HUS1: variants seen among roughly 807,000 people sequenced by gnomAD.
The protein encoded by HUS1 is checkpoint protein HUS1.
In HUS1, 31 loss-of-function variants were observed where a neutral mutation model predicts 32.6. The observed-to-expected ratio is 0.95, with a 90% CI of 0.72 to 1.28. The LOEUF (loss-of-function observed/expected upper bound fraction) is 1.28. Ranked by LOEUF, HUS1 falls within the 50% of genes most tolerant of loss-of-function variation. The pLI is 0.00. For missense variants in HUS1, 340 were observed against 337.7 expected (o/e 1.01, Z -0.05); for synonymous variants, 123 against 116.6 (o/e 1.06, Z -0.36).
At chr7:47,970,232 C>CAAAA (rs777331089) in intron 5 of HUS1, among the ~76,000 whole-genome samples, 109 of 47,420 alleles carry the variant, frequency 2.3e-3, no homozygotes, top group Middle Eastern at 0.018. Flanking sequence ...GACTCTGTCT[C>CAAAA]AAAAAAAAAA....
chr7:47,970,254 A>G (rs1788570478), intron 5 of HUS1, among the ~76,000 whole-genome samples: 1 of 149,876 alleles, frequency 6.7e-6, no homozygotes, highest in African/African-American at 2.5e-5. Flanking sequence ...AAAAAAAAAA[A>G]GAGAAATGAA....
At chr7:47,966,310 T>A (rs1011646010) in intron 7 of HUS1, among the ~76,000 whole-genome samples, 4 of 152,158 alleles carry the variant, frequency 2.6e-5, no homozygotes, top group Non-Finnish European at 5.9e-5. Context: ...CCACGGTGTT[T>A]TAAAAAAAAT....
chr7:47,968,974 TAC>T (rs1187073299), intron 6 of HUS1: 1 of 389,812 alleles, frequency 2.6e-6, no homozygotes, highest in East Asian at 5.0e-5. Context: ...ATCCGAATTC[TAC>T]AGAGGATGGA....
rs202090804 is a variant in HUS1 at position 47,979,492 on chromosome 7, C to T, written c.28G>A (p.Gly10Arg). Residue 10 changes from glycine to arginine, a missense_variant, in exon 1 of 8, where the codon GGG becomes AGG. Physicochemically the swap from Gly to Arg is moderately radical, Grantham distance 125 (BLOSUM62 -2). Transcript: ENST00000258774. ...CGTGTGAAGTGGTTCAGACAGGCCC[C>T]GTCCACGATCTTGGCCCGAAACTTC... MKFRAKIVD[G>R]ACLNHFTRIS... is the part of the protein sequence containing the mutation. The T allele has an allele frequency of 1.2e-6, 2 of 1,613,098 alleles. No homozygotes were observed. Among genetic ancestry groups the T allele is most frequent in the Admixed American group, 1.7e-5 (1 of 60,000 alleles).
chr7:47,970,167 A>G (rs1382609893), intron 5 of HUS1, among the ~76,000 whole-genome samples: 30 of 142,710 alleles, frequency 2.1e-4, no homozygotes, highest in African/African-American at 7.4e-4. Flanking sequence ...CGGGAGGCGG[A>G]ACTTGCAGTG....
rs752394896 is a variant in HUS1 at position 47,967,820 on chromosome 7, G to A, written c.746C>T (p.Thr249Ile). The A allele has an allele frequency of 1.9e-6, 3 of 1,613,400 alleles. No individual in the cohort carries two copies. The highest frequency in any genetic ancestry group is 2.7e-5 in the African/African-American group (2 of 74,826). Reference sequence around the variant, plus strand: ...AGCACACTCACTGCATAAGGCCTTTGTGGGATTTACTTGTTGTCCAGCAAG... The same window carrying A: ...AGCACACTCACTGCATAAGGCCTTTATGGGATTTACTTGTTGTCCAGCAAG... ...QFLAGQQVNP[T>I]KALCNIVNNK... is the part of the protein sequence containing the mutation. The change falls in exon 7 of 8, where the codon ACA becomes ATA. Residue 249 changes from threonine to isoleucine, a missense_variant. Coordinates refer to ENST00000258774, the MANE Select transcript of HUS1 (RefSeq NM_004507.4).
At position 47,978,420 on chromosome 7, in the gene HUS1, C is replaced by T; in HGVS notation, c.354G>A (p.Glu118=). 1.2e-6 allele frequency: 2 copies of T among 1,613,732 alleles called. No homozygotes were observed. The highest frequency in any genetic ancestry group is 8.5e-7 in the Non-Finnish European group (1 of 1,179,588). The part of the protein sequence containing the change: ...KHFPCLTVSV[E]LLSMSSSSRI... ...AAACCCTGACTCTCCTACTCACCAG[C>T]TCCACGGAGACCGTGAGGCAGGGAA... Residue 118 remains glutamate, a synonymous_variant, in exon 3 of 8, where the codon GAG becomes GAA. Coordinates refer to ENST00000258774, the MANE Select transcript of HUS1 (RefSeq NM_004507.4).
At chr7:47,969,387 G>T in intron 5 of HUS1, 69 bp from the exon 6 acceptor site, 2 of 791,506 alleles carry the variant, frequency 2.5e-6, no homozygotes, top group Non-Finnish European at 4.2e-6. Context: ...ATGGGCAACA[G>T]CTTTCACACA....
chr7:47,973,192 T>C (rs2128765798), intron 5 of HUS1, among the ~76,000 whole-genome samples: 1 of 152,292 alleles, frequency 6.6e-6, no homozygotes, highest in South Asian at 2.1e-4. Context: ...CAATTAAACC[T>C]CTTTTGTTTA....
At chr7:47,974,659 T>C (rs1358045982) in intron 5 of HUS1, among the ~76,000 whole-genome samples, 1 of 152,008 alleles carries the variant, frequency 6.6e-6, no homozygotes, top group Non-Finnish European at 1.5e-5. Flanking sequence ...AGGGTGTTTT[T>C]TGGAGCAGGA....
At chr7:47,973,240 G>A (rs1329394526) in intron 5 of HUS1, among the ~76,000 whole-genome samples, 1 of 152,080 alleles carries the variant, frequency 6.6e-6, no homozygotes, top group Non-Finnish European at 1.5e-5. Context: ...TTTTAGCAGC[G>A]TGAAAACGGA....
chr7:47,976,513 T>C, intron 4 of HUS1: 1 of 608,336 alleles, frequency 1.6e-6, no homozygotes, highest in Non-Finnish European at 3.1e-6. Context: ...GTGATGTTAC[T>C]GAGCGAGACA....
At chr7:47,979,436 C>T (rs1454586823) in intron 1 of HUS1, 32 bp downstream of exon 1, 6 of 1,612,892 alleles carry the variant, frequency 3.7e-6, no homozygotes, top group African/African-American at 2.7e-5. Context: ...CCTTCCGTTC[C>T]TCCCTCGCTC....
chr7:47,966,720 C>T (rs1055712187), intron 7 of HUS1, among the ~76,000 whole-genome samples: 1 of 152,162 alleles, frequency 6.6e-6, no homozygotes, highest in Non-Finnish European at 1.5e-5. Flanking sequence ...CTCAGAAGCA[C>T]CTTTAAGGAC....
chr7:47,964,349 T>A lies in HUS1; in HGVS notation c.*1007A>T, dbSNP rs925447959. 4 of 152,274 alleles carry A rather than the reference T, an allele frequency of 2.6e-5. No homozygotes were observed. Among genetic ancestry groups the A allele is most frequent in the African/African-American group, 9.6e-5 (4 of 41,462 alleles). 9.4% of individuals were successfully genotyped at this position (152,274 alleles called of 1,614,324 possible). On this transcript the variant is annotated 3_prime_UTR_variant, in exon 8 of 8. Transcript: ENST00000258774. Reference sequence around the variant, plus strand: ...ATGATTGTGGCACTGCACTCCAGTCTGGGTGACAGAATGAGACCGTCTCAA... The same window carrying A: ...ATGATTGTGGCACTGCACTCCAGTCAGGGTGACAGAATGAGACCGTCTCAA...
At position 47,969,214 on chromosome 7, in the gene HUS1, C is replaced by G; in HGVS notation, c.640+5G>C. On this transcript the variant is annotated splice_donor_5th_base_variant and intron_variant, in intron 6 of 7. Coordinates refer to ENST00000258774, the MANE Select transcript of HUS1 (RefSeq NM_004507.4). ...AAGCAAAATATAACCCACTAGAAAA[C>G]TTACCTAATGGAGGATTTCCAAGAT... The G allele has an allele frequency of 6.8e-7, 1 of 1,461,470 alleles. No individual in the cohort carries two copies. The highest frequency in any genetic ancestry group is 2.3e-5 in the East Asian group (1 of 44,018). The allele number at this position is 1,461,470 out of a possible 1,614,324, so 90.5% of individuals were successfully genotyped here.
At chr7:47,966,870 C>T (rs768562860) in intron 7 of HUS1, among the ~76,000 whole-genome samples, 17 of 152,216 alleles carry the variant, frequency 1.1e-4, no homozygotes, top group Non-Finnish European at 2.1e-4. Context: ...TCCATCTCTA[C>T]CCTCAGAGCT....
chr7:47,979,552 GT>G lies in HUS1; in HGVS notation c.-34del. 1 of 1,567,902 alleles carries G rather than the reference GT, an allele frequency of 6.4e-7. No individual in the cohort carries two copies. ...GATGGCGCAGCCGCGGCGGGCCTCT[GT>G]GGGTAACAGAAAAGCGTCGCGCCCT... On this transcript the variant is annotated 5_prime_UTR_variant, in exon 1 of 8. Coordinates refer to ENST00000258774, the MANE Select transcript of HUS1 (RefSeq NM_004507.4).
Position 47,978,505 on chromosome 7 carries a change from C to T in HUS1, c.269G>A (p.Arg90Gln). The change falls in exon 3 of 8, where the codon CGA becomes CAA. Residue 90 changes from arginine (R) to glutamine (Q), a missense_variant. Arg to Gln is a conservative substitution (Grantham distance 43). Coordinates refer to ENST00000258774, the MANE Select transcript of HUS1 (RefSeq NM_004507.4). ...YLELTSENLS[R>Q]ALKTAQNARA... Reference sequence around the variant, plus strand: ...GGCATTCTGGGCAGTCTTCAAGGCTCGAGATAAGTTTTCCGATGTTAGCTC... The same window carrying T: ...GGCATTCTGGGCAGTCTTCAAGGCTTGAGATAAGTTTTCCGATGTTAGCTC... The T allele has an allele frequency of 1.2e-6, 2 of 1,614,184 alleles. No individual in the cohort carries two copies. The highest frequency in any genetic ancestry group is 1.1e-5 in the South Asian group (1 of 91,082).
Sources: allele counts gnomAD v4.1 joint callset (sites outside exome capture counted in the v4.1 genomes callset), GRCh38; gene constraint gnomAD v4.1.1; transcripts MANE v1.5; gene names NCBI Gene and HGNC (gene_info 2026-07-23, HGNC 2026-07-21).